Variants in CAP2 observed in about 807,000 individuals in gnomAD.
CAP2 encodes the protein cyclase associated actin cytoskeleton regulatory protein 2, also known as adenylyl cyclase-associated protein 2.
CAP2 carries 24 observed loss-of-function variants against 57.7 expected under a neutral mutation model. The ratio of observed to expected loss-of-function variants is 0.42; its 90% CI spans 0.30 to 0.58. The LOEUF (loss-of-function observed/expected upper bound fraction) is 0.58, where lower values mean the gene tolerates loss of function less well. Ranked by LOEUF, CAP2 falls within the 20% of genes least tolerant of loss-of-function variation. The pLI is 0.22. For missense variants in CAP2, 501 were observed against 590.3 expected, an observed-to-expected ratio of 0.85 and a Z score of 1.57; for synonymous variants, 194 against 207.2, an observed-to-expected ratio of 0.94 and a Z score of 0.55.
At chr6:17,404,419 C>T (rs1054503707) in intron 1 of CAP2, among the ~76,000 whole-genome samples, 23 of 152,130 alleles carry the variant, frequency 1.5e-4, no homozygotes, top group African/African-American at 2.7e-4. Context: ...TCCTGGCTAA[C>T]ACGGTGAAAC....
At chr6:17,481,541 T>G (rs1034815676) in intron 4 of CAP2, among the ~76,000 whole-genome samples, 4 of 152,198 alleles carry the variant, frequency 2.6e-5, no homozygotes, top group Non-Finnish European at 5.9e-5. Context: ...TTCCAAGAAT[T>G]TACTTGCTAA....
chr6:17,544,679 A>G (rs1174998615), intron 11 of CAP2, among the ~76,000 whole-genome samples: 1 of 152,090 alleles, frequency 6.6e-6, no homozygotes, highest in African/African-American at 2.4e-5. Context: ...CAGCCCCCTG[A>G]GTAGCTGGGA....
intron 1 of CAP2, among the ~76,000 whole-genome samples, chr6:17,417,867 T>G (rs1759330168): frequency 6.6e-6 from 1 of 152,204 alleles, no homozygotes. Context: ...CCTATTCTGC[T>G]GGCCTCCTGA....
At chr6:17,457,422 A>T (rs1302114619) in intron 3 of CAP2, among the ~76,000 whole-genome samples, 4 of 152,220 alleles carry the variant, frequency 2.6e-5, no homozygotes, top group African/African-American at 7.2e-5. Context: ...CCTAAATAGG[A>T]TGCTGTCTGG....
intron 1 of CAP2, among the ~76,000 whole-genome samples, chr6:17,395,200 A>G (rs948625422): frequency 6.6e-6 from 1 of 152,306 alleles, no homozygotes; most frequent in East Asian, 1.9e-4. Flanking sequence ...GATACAGGGT[A>G]GGGTTTGGTA....
intron 1 of CAP2, among the ~76,000 whole-genome samples, chr6:17,405,940 T>C (rs1758952955): frequency 6.6e-6 from 1 of 151,954 alleles, no homozygotes; most frequent in African/African-American, 2.4e-5. Flanking sequence ...GGGGTCTACC[T>C]ATGTTGCCCA....
chr6:17,437,163 A>G (rs1215515890), intron 3 of CAP2, among the ~76,000 whole-genome samples: 1 of 152,194 alleles, frequency 6.6e-6, no homozygotes, highest in Non-Finnish European at 1.5e-5. Context: ...CAATAAGTGT[A>G]ATGCACTTGA....
At chr6:17,420,619 C>T (rs1166719254) in intron 1 of CAP2, among the ~76,000 whole-genome samples, 1 of 152,096 alleles carries the variant, frequency 6.6e-6, no homozygotes, top group Non-Finnish European at 1.5e-5. Flanking sequence ...AGTGAAAATA[C>T]GCTCCCACCA....
rs57945613 is a variant in CAP2 at position 17,438,779 on chromosome 6, CTTT to C, written c.222+12097_222+12099del. Among the ~76,000 whole-genome samples the C allele has an allele frequency of 5.6e-5, 8 of 143,088 alleles. No individual in the cohort carries two copies. The East Asian group carries it at 6.5e-4, about 12-fold the overall frequency. The allele number at this position is 143,088 out of a possible 152,430, so 93.9% of individuals were successfully genotyped here. A position where few individuals can be genotyped will look rare whatever the true frequency, so the allele number is the denominator to read the frequency against. ...GTAGTAGAATTTATTATAAACATAT[CTTT>C]TTTTTTTATGGCTTCTAGAATGTGA... On this transcript the variant is annotated intron_variant, in intron 3 of 12. Coordinates refer to ENST00000229922, the MANE Select transcript of CAP2 (RefSeq NM_006366.3).
At chr6:17,475,337 G>T (rs922491270) in intron 4 of CAP2, among the ~76,000 whole-genome samples, 2 of 152,158 alleles carry the variant, frequency 1.3e-5, no homozygotes, top group Admixed American at 1.3e-4. Context: ...GGTGTATTTG[G>T]TAAGGACTTA....
chr6:17,440,195 C>T (rs552182402), intron 3 of CAP2, among the ~76,000 whole-genome samples: 1 of 151,726 alleles, frequency 6.6e-6, no homozygotes, highest in Admixed American at 6.6e-5. Context: ...TTGTATCCTT[C>T]AGGAGTAGGA....
intron 1 of CAP2, among the ~76,000 whole-genome samples, chr6:17,400,821 C>T (rs539022166): frequency 6.7e-6 from 1 of 149,968 alleles, no homozygotes; most frequent in East Asian, 2.0e-4. Context: ...GCCGAGATCG[C>T]GCCATTGCAT....
At chr6:17,502,648 G>C (rs893184758) in intron 4 of CAP2, among the ~76,000 whole-genome samples, 4 of 152,056 alleles carry the variant, frequency 2.6e-5, no homozygotes, top group African/African-American at 7.2e-5. Context: ...TCAGACTTTA[G>C]AGTTTGTTCT....
At chr6:17,515,749 T>C (rs79018468) in intron 7 of CAP2, among the ~76,000 whole-genome samples, 2,289 of 152,314 alleles carry the variant, frequency 0.015, 75 homozygotes, top group East Asian at 0.13. Context: ...TATTTTTGAG[T>C]ACCTAGGCGA....
intron 1 of CAP2, among the ~76,000 whole-genome samples, chr6:17,413,825 A>G (rs1383035675): frequency 1.3e-5 from 2 of 152,182 alleles, no homozygotes; most frequent in Non-Finnish European, 2.9e-5. Context: ...AGACCAAGGC[A>G]GGTGGATCAC....
At chr6:17,531,299 A>G in intron 7 of CAP2, 1 of 944,188 alleles carries the variant, frequency 1.1e-6, no homozygotes. Context: ...AGATTTGACG[A>G]AGGGAAGAAG....
At chr6:17,537,208 AG>A (rs1762794163) in intron 7 of CAP2, among the ~76,000 whole-genome samples, 1 of 152,152 alleles carries the variant, frequency 6.6e-6, no homozygotes, top group Non-Finnish European at 1.5e-5. Context: ...GCTTTGAGAC[AG>A]GGTCTCACTC....
intron 4 of CAP2, among the ~76,000 whole-genome samples, chr6:17,499,513 G>GTT (rs2113646293): frequency 6.6e-6 from 1 of 151,478 alleles, no homozygotes; most frequent in East Asian, 2.0e-4. Context: ...GAAAGACCAA[G>GTT]TCACCAGGTT....
chr6:17,550,017 A>C (rs1331265972), intron 11 of CAP2, among the ~76,000 whole-genome samples: 3 of 152,226 alleles, frequency 2.0e-5, no homozygotes, highest in African/African-American at 7.2e-5. Context: ...CCAGTTGGTA[A>C]GTTAATAAAT....
Sources: allele counts gnomAD v4.1 joint callset (sites outside exome capture counted in the v4.1 genomes callset), GRCh38; gene constraint gnomAD v4.1.1; transcripts MANE v1.5; gene names NCBI Gene and HGNC (gene_info 2026-07-23, HGNC 2026-07-21).